STXBP6: variants seen among roughly 807,000 people sequenced by gnomAD.
STXBP6 encodes syntaxin-binding protein 6.
A neutral mutation model predicts 26.9 loss-of-function variants in STXBP6; 21 were observed. The ratio of observed to expected loss-of-function variants is 0.78; its 90% CI spans 0.55 to 1.12. The LOEUF (loss-of-function observed/expected upper bound fraction) is 1.12, where lower values mean the gene tolerates loss of function less well. STXBP6 is among the 50% of genes most tolerant of loss of function. The pLI is 0.00. For missense variants in STXBP6, 232 were observed against 257.9 expected, an observed-to-expected ratio of 0.90 and a Z score of 0.69; for synonymous variants, 97 against 92.6, an observed-to-expected ratio of 1.05 and a Z score of -0.27.
intron 5 of STXBP6, 114 bp downstream of exon 5, chr14:24,818,923 G>A: frequency 1.5e-6 from 2 of 1,373,222 alleles, no homozygotes; most frequent in South Asian, 1.5e-5. Context: ...TACATAAAGG[G>A]GAAATAGCTT....
intron 2 of STXBP6, among the ~76,000 whole-genome samples, chr14:24,922,232 G>T (rs2072005805): frequency 6.6e-6 from 1 of 151,910 alleles, no homozygotes; most frequent in South Asian, 2.1e-4. Flanking sequence ...AGGCTTAAAG[G>T]GGGGCTTATA....
At chr14:24,897,880 C>T (rs2071054045) in intron 2 of STXBP6, among the ~76,000 whole-genome samples, 1 of 152,136 alleles carries the variant, frequency 6.6e-6, no homozygotes, top group Non-Finnish European at 1.5e-5. Flanking sequence ...TGGCTTGGCT[C>T]TTATAATAAT....
At chr14:24,905,013 C>T (rs1318109766) in intron 2 of STXBP6, among the ~76,000 whole-genome samples, 1 of 152,040 alleles carries the variant, frequency 6.6e-6, no homozygotes, top group East Asian at 1.9e-4. Context: ...GACAATGTGG[C>T]CTTGGGTAAA....
At chr14:25,025,168 G>C (rs1208865943) in intron 1 of STXBP6, among the ~76,000 whole-genome samples, 1 of 151,880 alleles carries the variant, frequency 6.6e-6, no homozygotes, top group Non-Finnish European at 1.5e-5. Flanking sequence ...TCATGAGAAG[G>C]CTTTTTTTTT....
chr14:25,023,010 T>C (rs868344452), intron 1 of STXBP6, among the ~76,000 whole-genome samples: 1 of 152,210 alleles, frequency 6.6e-6, no homozygotes, highest in Non-Finnish European at 1.5e-5. Context: ...CCATAAAACA[T>C]GGTCCTAACC....
At chr14:24,983,824 A>G (rs2074259848) in intron 1 of STXBP6, among the ~76,000 whole-genome samples, 1 of 152,242 alleles carries the variant, frequency 6.6e-6, no homozygotes, top group African/African-American at 2.4e-5. Flanking sequence ...TGAAAAAATA[A>G]TGAGCCTTTA....
In STXBP6 at chr14:24,882,492, G is replaced by C. The variant is rs570850166; in HGVS notation, c.155-25335C>G. ...ATGCTTGAAGCTCAAGCAGAACTGTGTGTCTCCTCACTGGACCCAACAGGA... is the reference window on the plus strand; with the variant it reads ...ATGCTTGAAGCTCAAGCAGAACTGTCTGTCTCCTCACTGGACCCAACAGGA... On this transcript the variant is annotated intron_variant, in intron 2 of 5. Coordinates refer to ENST00000323944, the MANE Select transcript of STXBP6 (RefSeq NM_001394410.1). 6.9e-4 allele frequency among the ~76,000 whole-genome samples: 101 copies of C among 147,126 alleles called. 1 individual carries two copies. Among genetic ancestry groups the C allele is most frequent in the African/African-American group, 2.5e-3 (98 of 39,690 alleles).
At position 24,889,641 on chromosome 14, in the gene STXBP6, G is replaced by A. The variant is rs368657309; in HGVS notation, c.155-32484C>T. ...GTACTTACATATTATATGTATGTGT[G>A]TGTATGAATTTGTAAAGCTCAATTA... is the stretch of plus-strand genomic sequence containing the variant. On this transcript the variant is annotated intron_variant, in intron 2 of 5. Transcript: ENST00000323944. Among the ~76,000 whole-genome samples the A allele has an allele frequency of 2.0e-5, 3 of 152,094 alleles. No homozygotes were observed. In the East Asian group the frequency reaches 5.8e-4, roughly 29 times the overall value.
intron 2 of STXBP6, among the ~76,000 whole-genome samples, chr14:24,904,947 G>A (rs2071337604): frequency 6.6e-6 from 1 of 152,182 alleles, no homozygotes; most frequent in Non-Finnish European, 1.5e-5. Context: ...TTGGTTATTA[G>A]AAAGGATGTT....
chr14:24,905,387 A>G (rs1266170503), intron 2 of STXBP6, among the ~76,000 whole-genome samples: 1 of 152,194 alleles, frequency 6.6e-6, no homozygotes, highest in Non-Finnish European at 1.5e-5. Flanking sequence ...TAGGAGGAAC[A>G]TGAGAAAGTT....
At chr14:24,964,892 C>T (rs2140143635) in intron 2 of STXBP6, among the ~76,000 whole-genome samples, 1 of 152,248 alleles carries the variant, frequency 6.6e-6, no homozygotes, top group South Asian at 2.1e-4. Context: ...TAACATCTCC[C>T]ATTTCAGGGA....
At chr14:24,966,221 G>A (rs2073729023) in intron 2 of STXBP6, among the ~76,000 whole-genome samples, 3 of 152,176 alleles carry the variant, frequency 2.0e-5, no homozygotes, top group African/African-American at 7.2e-5. Context: ...ATACATGAGA[G>A]AATGGAAAAA....
chr14:25,009,163 G>A (rs1020465006), intron 1 of STXBP6, among the ~76,000 whole-genome samples: 7 of 152,050 alleles, frequency 4.6e-5, no homozygotes, highest in African/African-American at 1.7e-4. Context: ...TTCAACTATC[G>A]AACTGTATTA....
intron 2 of STXBP6, among the ~76,000 whole-genome samples, chr14:24,969,702 C>T (rs1158789428): frequency 2.0e-5 from 3 of 152,134 alleles, no homozygotes; most frequent in South Asian, 2.1e-4. Context: ...CTTTGAGCAA[C>T]CTAATCCACA....
At chr14:24,971,744 G>A (rs1358726950) in intron 2 of STXBP6, among the ~76,000 whole-genome samples, 2 of 152,208 alleles carry the variant, frequency 1.3e-5, no homozygotes, top group Non-Finnish European at 1.5e-5. Context: ...CTCCAAACCA[G>A]GCCAAATTCT....
At chr14:24,828,024 A>G (rs1262496890) in intron 4 of STXBP6, among the ~76,000 whole-genome samples, 1 of 150,290 alleles carries the variant, frequency 6.7e-6, no homozygotes, top group Non-Finnish European at 1.5e-5. Flanking sequence ...CGACATCAGC[A>G]GTAGCACTTT....
chr14:24,922,372 A>G (rs2072011244), intron 2 of STXBP6, among the ~76,000 whole-genome samples: 1 of 152,106 alleles, frequency 6.6e-6, no homozygotes. Context: ...TTAATTCCTG[A>G]TCAAATGTGT....
intron 1 of STXBP6, among the ~76,000 whole-genome samples, chr14:25,017,750 G>A (rs1322640958): frequency 6.6e-6 from 1 of 152,186 alleles, no homozygotes; most frequent in Admixed American, 6.5e-5. Context: ...AAACATGGGA[G>A]GAAGATAGCA....
chr14:24,922,937 G>A (rs1158136263), intron 2 of STXBP6, among the ~76,000 whole-genome samples: 2 of 151,534 alleles, frequency 1.3e-5, no homozygotes, highest in East Asian at 1.9e-4. Flanking sequence ...TTTCTCTCTC[G>A]GTTAAGAAGG....
Sources: allele counts gnomAD v4.1 joint callset (sites outside exome capture counted in the v4.1 genomes callset), GRCh38; gene constraint gnomAD v4.1.1; transcripts MANE v1.5; gene names NCBI Gene and HGNC (gene_info 2026-07-23, HGNC 2026-07-21).